ARFGEF3: variants seen among roughly 807,000 people sequenced by gnomAD.
ARFGEF3 encodes ARFGEF family member 3.
Under a neutral mutation model 221.7 loss-of-function variants are expected in ARFGEF3, and 96 were observed. That is an observed-to-expected ratio of 0.43 (90% CI 0.37 to 0.51). The LOEUF is 0.51. Among genes scored for constraint, ARFGEF3 ranks in the 20% least tolerant of loss-of-function variants. The pLI, the probability that ARFGEF3 is intolerant of heterozygous loss-of-function variation, is 0.00. For missense variants in ARFGEF3, 2,410 were observed against 2,789.9 expected (o/e 0.86, Z 3.07); for synonymous variants, 1,145 against 1,126.8 (o/e 1.02, Z -0.32).
intron 8 of ARFGEF3, among the ~76,000 whole-genome samples, chr6:138,249,570 A>G (rs932992714): frequency 3.9e-5 from 6 of 152,198 alleles, no homozygotes; most frequent in Non-Finnish European, 8.8e-5. Flanking sequence ...AACTTCTGTA[A>G]TCCCAGCACT....
chr6:138,286,835 G>A lies in ARFGEF3; in HGVS notation c.2704G>A (p.Glu902Lys), dbSNP rs775533440. ...CATTCTGGGAGCTGAAGGCATCAAA[G>A]AGCAGAACCAGAAGGAGCGGGACGC... ...AFILGAEGIK[E>K]QNQKERDAIC... The change falls in exon 16 of 34, where the codon GAG becomes AAG. Residue 902 changes from glutamate (E) to lysine (K), a missense_variant. Physicochemically the swap from Glu to Lys is moderately conservative, Grantham distance 56 (BLOSUM62 1). Coordinates refer to ENST00000251691, the MANE Select transcript of ARFGEF3 (RefSeq NM_020340.5). 1.2e-6 allele frequency: 2 copies of A among 1,614,054 alleles called. No individual in the cohort carries two copies. Among genetic ancestry groups the A allele is most frequent in the South Asian group, 2.2e-5 (2 of 91,086 alleles).
In ARFGEF3 at chr6:138,218,575, A is replaced by G. The variant is rs187792104; in HGVS notation, c.351+8534A>G. On this transcript the variant is annotated intron_variant, in intron 4 of 33. Coordinates refer to ENST00000251691, the MANE Select transcript of ARFGEF3 (RefSeq NM_020340.5). The stretch of plus-strand genomic sequence containing the variant: ...ATGTTTCTGTTCCATCCTACGAGGT[A>G]GAGTTTTATGATTTGATTATTCCAG... 44 of 1,113,970 alleles carry G rather than the reference A, an allele frequency of 3.9e-5. No homozygotes were observed. In the Admixed American group the frequency reaches 4.7e-4, roughly 12 times the overall value. The allele number at this position is 1,113,970 out of a possible 1,614,324, so 69.0% of individuals were successfully genotyped here. A position where few individuals can be genotyped will look rare whatever the true frequency, so the allele number is the denominator to read the frequency against.
Position 138,170,663 on chromosome 6 carries a change from A to C in ARFGEF3, c.87A>C (p.Glu29Asp). The change falls in exon 2 of 34, where the codon GAA becomes GAC. Residue 29 changes from glutamate to aspartate, a missense_variant and splice_region_variant. Glu to Asp is a conservative substitution (Grantham distance 45). Transcript: ENST00000251691. Reference protein sequence around the residue: ...AIKESCTWALETLGGLDTIVK... With the variant: ...AIKESCTWALDTLGGLDTIVK... ...AACTTTGTAATTTTTCTTTTGCAGA[A>C]ACTCTAGGTGGTCTGGATACCATTG... 2.6e-6 allele frequency: 4 copies of C among 1,555,278 alleles called. No individual in the cohort carries two copies. Among genetic ancestry groups the C allele is most frequent in the Non-Finnish European group, 3.5e-6 (4 of 1,127,708 alleles).
At chr6:138,285,453 T>C (rs1779269859) in intron 14 of ARFGEF3, among the ~76,000 whole-genome samples, 1 of 130,044 alleles carries the variant, frequency 7.7e-6, no homozygotes, top group Non-Finnish European at 1.6e-5. Context: ...GACTCCCGTC[T>C]CAAAAAAAAA....
chr6:138,275,361 G>A (rs947046197), intron 12 of ARFGEF3, among the ~76,000 whole-genome samples: 1 of 152,078 alleles, frequency 6.6e-6, no homozygotes, highest in African/African-American at 2.4e-5. Flanking sequence ...CCAAAAAAAT[G>A]TTTATACTGC....
rs373439515 is a variant in ARFGEF3 at position 138,279,986 on chromosome 6, G to A, written c.2296-13G>A. 2.0e-5 allele frequency: 33 copies of A among 1,613,454 alleles called. No homozygotes were observed. The highest frequency in any genetic ancestry group is 6.7e-5 in the Admixed American group (4 of 60,016). ...GTGTTATGTGGTCACCTTCTCATGC[G>A]ATCTCTCTGTAGAAGGACTTCATGA... On this transcript the variant is annotated splice_polypyrimidine_tract_variant and intron_variant, in intron 13 of 33. Transcript: ENST00000251691.
intron 7 of ARFGEF3, among the ~76,000 whole-genome samples, chr6:138,243,793 A>AG (rs1469334874): frequency 6.6e-6 from 1 of 152,172 alleles, no homozygotes; most frequent in East Asian, 1.9e-4. Context: ...AGTATTTGAA[A>AG]GAAATGAGGA....
chr6:138,210,629 T>A (rs1017136501), intron 4 of ARFGEF3, among the ~76,000 whole-genome samples: 7 of 152,146 alleles, frequency 4.6e-5, no homozygotes, highest in Non-Finnish European at 7.4e-5. Flanking sequence ...CCAGAGTGTG[T>A]CATATTCTCT....
At chr6:138,241,435 C>T (rs1350309515) in intron 6 of ARFGEF3, among the ~76,000 whole-genome samples, 1 of 152,200 alleles carries the variant, frequency 6.6e-6, no homozygotes, top group East Asian at 1.9e-4. Context: ...ATTCGTGTTA[C>T]TGCCTACCTG....
chr6:138,170,145 T>C (rs1233888943), intron 1 of ARFGEF3, among the ~76,000 whole-genome samples: 1 of 152,216 alleles, frequency 6.6e-6, no homozygotes, highest in Non-Finnish European at 1.5e-5. Context: ...AAGATTTGGA[T>C]GTGAGCCTTC....
At chr6:138,223,411 A>G (rs954059009) in intron 4 of ARFGEF3, among the ~76,000 whole-genome samples, 3 of 152,218 alleles carry the variant, frequency 2.0e-5, no homozygotes, top group Non-Finnish European at 4.4e-5. Context: ...TGCGCCTGGC[A>G]TTAAGGTTTT....
At chr6:138,266,986 G>A (rs1213498676) in intron 12 of ARFGEF3, among the ~76,000 whole-genome samples, 1 of 152,076 alleles carries the variant, frequency 6.6e-6, no homozygotes, top group African/African-American at 2.4e-5. Flanking sequence ...TTCATATGGA[G>A]ACGTTTGGCA....
At chr6:138,312,414 G>A (rs1017539539) in intron 25 of ARFGEF3, among the ~76,000 whole-genome samples, 2 of 151,998 alleles carry the variant, frequency 1.3e-5, no homozygotes, top group Non-Finnish European at 2.9e-5. Context: ...AGGGACATGC[G>A]GCCCTGGCTT....
At chr6:138,271,479 A>C (rs765539506) in intron 12 of ARFGEF3, among the ~76,000 whole-genome samples, 19 of 152,180 alleles carry the variant, frequency 1.2e-4, no homozygotes, top group South Asian at 4.1e-4. Flanking sequence ...TATGCCCTGC[A>C]TTGTCTAAAG....
Position 138,291,779 on chromosome 6 carries a change from G to C in ARFGEF3, c.3094G>C (p.Gly1032Arg). The C allele has an allele frequency of 2.7e-6, 4 of 1,459,046 alleles. No homozygotes were observed. The highest frequency in any genetic ancestry group is 3.6e-6 in the Non-Finnish European group (4 of 1,103,768). 90.4% of individuals were successfully genotyped at this position (1,459,046 alleles called of 1,614,324 possible). A position where few individuals can be genotyped will look rare whatever the true frequency, so the allele number is the denominator to read the frequency against. ...CCTGGAGCACAACCACTTCAGCGAT[G>C]GTGCCTCGCAGCCCCCTCTGACCAT... ...GTLEHNHFSD[G>R]ASQPPLTISQ... Residue 1032 changes from glycine to arginine, a missense_variant, in exon 19 of 34, where the codon GGT becomes CGT. Physicochemically the swap from Gly to Arg is moderately radical, Grantham distance 125. Around this residue, in one of 5 missense-constraint regions of ARFGEF3, gnomAD observed 594 missense variants for 734.3 expected, o/e 0.81. Coordinates refer to ENST00000251691, the MANE Select transcript of ARFGEF3 (RefSeq NM_020340.5). This position sits in a 1 kb window ranked among gnomAD's most constrained non-coding sequence, Gnocchi z 4.5.
At position 138,180,345 on chromosome 6, in the gene ARFGEF3, T is replaced by A. The variant is rs551457282; in HGVS notation, c.137+9632T>A. On this transcript the variant is annotated intron_variant, in intron 2 of 33. Coordinates refer to ENST00000251691, the MANE Select transcript of ARFGEF3 (RefSeq NM_020340.5). ...AGGATGCTGGTGTAGAATTTGCAGT[T>A]CATGTTTTCAGCTTGTGCTAATGAA... 2.0e-5 allele frequency among the ~76,000 whole-genome samples: 3 copies of A among 152,358 alleles called. No homozygotes were observed. The South Asian group carries it at 6.2e-4, about 32-fold the overall frequency.
Position 138,261,403 on chromosome 6 carries a change from T to C in ARFGEF3, c.1105-124T>C, listed in dbSNP as rs566832142. The C allele has an allele frequency of 6.7e-5, 35 of 525,076 alleles. 1 individual carries two copies. In the South Asian group the frequency reaches 1.2e-3, roughly 18 times the overall value. The allele number at this position is 525,076 out of a possible 1,614,324, so 32.5% of individuals were successfully genotyped here. ...TAAGATTGGAAGTTCCAAATAATTC[T>C]GTTTCTCCTTATACTATATCACTCA... On this transcript the variant is annotated intron_variant, in intron 10 of 33. Transcript: ENST00000251691.
chr6:138,281,975 T>G (rs1320397398), intron 14 of ARFGEF3, among the ~76,000 whole-genome samples: 1 of 152,062 alleles, frequency 6.6e-6, no homozygotes, highest in African/African-American at 2.4e-5. Context: ...GGTTGTTTTC[T>G]TAAGAGTCTA....
At chr6:138,313,414 AT>A in intron 25 of ARFGEF3, among the ~76,000 whole-genome samples, 1 of 152,166 alleles carries the variant, frequency 6.6e-6, no homozygotes, top group Admixed American at 6.5e-5. Context: ...CTGGTATCTC[AT>A]TTGCCTGTGG....
Sources: gnomAD v4.1 joint callset for allele counts (sites outside exome capture counted in the v4.1 genomes callset) on GRCh38, gnomAD v4.1.1 for gene constraint, gnomAD v4.1.1 regional missense constraint, Gnocchi (gnomAD v3.1) non-coding constraint, MANE v1.5 for transcripts, NCBI Gene and HGNC (gene_info 2026-07-23, HGNC 2026-07-21) for gene names.